HS3ST4: variants seen among roughly 807,000 people sequenced by gnomAD.
HS3ST4 encodes the protein heparan sulfate glucosamine 3-O-sulfotransferase 4.
In HS3ST4, 17 loss-of-function variants were observed where a neutral mutation model predicts 29.2. The observed-to-expected ratio is 0.58, with a 90% CI of 0.40 to 0.87. The LOEUF (loss-of-function observed/expected upper bound fraction) is 0.87, where lower values mean the gene tolerates loss of function less well. HS3ST4 is among the 40% of genes least tolerant of loss of function. The probability of loss-of-function intolerance (pLI) is 0.00; values close to 1 mark genes in which losing one functional copy is unlikely to be tolerated. For missense variants in HS3ST4, 627 were observed against 634.5 expected (o/e 0.99, Z 0.13); for synonymous variants, 314 against 285.7 (o/e 1.10, Z -1.00).
intron 1 of HS3ST4, among the ~76,000 whole-genome samples, chr16:25,863,396 T>A (rs993431272): frequency 3.9e-5 from 6 of 152,204 alleles, no homozygotes; most frequent in Non-Finnish European, 8.8e-5. Context: ...TGAAGTCTTA[T>A]GTGTTCTACT....
chr16:25,862,939 T>C (rs1024118445), intron 1 of HS3ST4, among the ~76,000 whole-genome samples: 1 of 152,222 alleles, frequency 6.6e-6, no homozygotes, highest in African/African-American at 2.4e-5. Context: ...TGAATATTTT[T>C]GATTTTAGGA....
intron 1 of HS3ST4, among the ~76,000 whole-genome samples, chr16:25,816,637 T>C (rs1310710247): frequency 1.3e-5 from 2 of 152,172 alleles, no homozygotes; most frequent in Non-Finnish European, 2.9e-5. Context: ...GTCTTAGTCT[T>C]TTTTTTCTGT....
intron 1 of HS3ST4, among the ~76,000 whole-genome samples, chr16:25,772,027 G>A (rs910909602): frequency 6.6e-6 from 1 of 152,138 alleles, no homozygotes; most frequent in African/African-American, 2.4e-5. Flanking sequence ...AGAATTTTAG[G>A]CTTCATGAGC....
chr16:25,898,526 C>G (rs1398182331), intron 1 of HS3ST4, among the ~76,000 whole-genome samples: 1 of 152,186 alleles, frequency 6.6e-6, no homozygotes, highest in Non-Finnish European at 1.5e-5. Flanking sequence ...ATATAGTATA[C>G]CACGTATGCC....
At chr16:26,094,549 C>T (rs988372233) in intron 1 of HS3ST4, among the ~76,000 whole-genome samples, 2 of 152,164 alleles carry the variant, frequency 1.3e-5, no homozygotes, top group African/African-American at 4.8e-5. Flanking sequence ...GAATCCTTTA[C>T]AGACAAGCAA....
intron 1 of HS3ST4, among the ~76,000 whole-genome samples, chr16:26,082,805 G>A (rs1450224577): frequency 6.6e-6 from 1 of 152,188 alleles, no homozygotes; most frequent in Non-Finnish European, 1.5e-5. Flanking sequence ...ACTTCATGGA[G>A]CAACCTTACC....
intron 1 of HS3ST4, among the ~76,000 whole-genome samples, chr16:25,904,550 G>A (rs766205579): frequency 6.6e-6 from 1 of 152,148 alleles, no homozygotes; most frequent in African/African-American, 2.4e-5. Context: ...ACTTTCACTG[G>A]CTTGTGGGGA....
Position 25,692,878 on chromosome 16 carries a change from G to C in HS3ST4, c.461G>C (p.Ser154Thr), listed in dbSNP as rs1485710605. Residue 154 changes from serine (S) to threonine (T), a missense_variant, in exon 1 of 2, where the codon AGC becomes ACC. By Grantham distance (58) the Ser-to-Thr change is moderately conservative. Around this residue, in one of 2 missense-constraint regions of HS3ST4, gnomAD observed 402 missense variants for 340.8 expected, o/e 1.18. Coordinates refer to ENST00000331351, the MANE Select transcript of HS3ST4 (RefSeq NM_006040.3). Reference sequence around the variant, plus strand: ...CCCAGCGAGATGATCACGGCTCAGAGCGCGCTGCCGGAGAGGGAAGCGCAG... The same window carrying C: ...CCCAGCGAGATGATCACGGCTCAGACCGCGCTGCCGGAGAGGGAAGCGCAG... ...LAPSEMITAQ[S>T]ALPEREAQES... 1.3e-6 allele frequency: 2 copies of C among 1,545,508 alleles called. No individual in the cohort carries two copies. The highest frequency in any genetic ancestry group is 4.9e-5 in the East Asian group (2 of 40,750).
At chr16:25,985,923 T>G (rs541058613) in intron 1 of HS3ST4, among the ~76,000 whole-genome samples, 1 of 152,288 alleles carries the variant, frequency 6.6e-6, no homozygotes, top group Admixed American at 6.5e-5. Flanking sequence ...GTCCTCATGG[T>G]ATCTTCCTGC....
At position 25,757,624 on chromosome 16, in the gene HS3ST4, G is replaced by A. The variant is rs754435104; in HGVS notation, c.734+64473G>A. ...ATAATAGAGAGAGTGTAAAAATAAC[G>A]AATGTGTCCTCCCGTCATGCCCTGG... is the stretch of plus-strand genomic sequence containing the variant. On this transcript the variant is annotated intron_variant, in intron 1 of 1. Transcript: ENST00000331351. Among the ~76,000 whole-genome samples, 8 of 150,424 alleles carry A rather than the reference G, an allele frequency of 5.3e-5. No individual in the cohort carries two copies. In the East Asian group the frequency reaches 5.8e-4, roughly 11 times the overall value.
chr16:25,873,000 G>T (rs902164241), intron 1 of HS3ST4, among the ~76,000 whole-genome samples: 3 of 152,002 alleles, frequency 2.0e-5, no homozygotes, highest in East Asian at 1.9e-4. Context: ...GCCCACTTCT[G>T]CCCTGATGTT....
At chr16:25,836,704 C>G (rs1389448990) in intron 1 of HS3ST4, among the ~76,000 whole-genome samples, 1 of 152,126 alleles carries the variant, frequency 6.6e-6, no homozygotes, top group Non-Finnish European at 1.5e-5. Flanking sequence ...CAATATCATG[C>G]AGGGAGGTAA....
At chr16:25,792,778 CTTT>C (rs1191219847) in intron 1 of HS3ST4, among the ~76,000 whole-genome samples, 1 of 151,572 alleles carries the variant, frequency 6.6e-6, no homozygotes, top group Non-Finnish European at 1.5e-5. Flanking sequence ...ACTTTTACTT[CTTT>C]GATTTTCCTT....
intron 1 of HS3ST4, among the ~76,000 whole-genome samples, chr16:25,748,984 G>A (rs1466241817): frequency 6.6e-6 from 1 of 152,112 alleles, no homozygotes; most frequent in African/African-American, 2.4e-5. Context: ...TATGAAGACT[G>A]GACAAACCAT....
intron 1 of HS3ST4, among the ~76,000 whole-genome samples, chr16:25,843,983 T>C (rs1386064338): frequency 6.6e-6 from 1 of 152,226 alleles, no homozygotes; most frequent in Non-Finnish European, 1.5e-5. Context: ...AATATTTTGC[T>C]CCAGTGTAAA....
At chr16:25,914,649 G>A (rs550662842) in intron 1 of HS3ST4, among the ~76,000 whole-genome samples, 5 of 151,472 alleles carry the variant, frequency 3.3e-5, no homozygotes, top group South Asian at 2.1e-4. Flanking sequence ...GTGTGTGCAC[G>A]TGTGTGGGTG....
chr16:26,013,665 C>T (rs1450631725), intron 1 of HS3ST4, among the ~76,000 whole-genome samples: 3 of 152,132 alleles, frequency 2.0e-5, no homozygotes, highest in African/African-American at 4.8e-5. Flanking sequence ...TCAGGGCCTT[C>T]GCATAAATGC....
chr16:25,715,252 G>A (rs1051098248), intron 1 of HS3ST4, among the ~76,000 whole-genome samples: 3 of 148,236 alleles, frequency 2.0e-5, no homozygotes, highest in Non-Finnish European at 4.4e-5. Context: ...AACCCGGGAA[G>A]CGGAGCTTGC....
chr16:26,078,477 G>T (rs1161936881), intron 1 of HS3ST4, among the ~76,000 whole-genome samples: 2 of 152,168 alleles, frequency 1.3e-5, no homozygotes, highest in Non-Finnish European at 2.9e-5. Context: ...TAAAGAAATA[G>T]ACCCATGCAC....
Sources: gnomAD v4.1 joint callset for allele counts (sites outside exome capture counted in the v4.1 genomes callset) on GRCh38, gnomAD v4.1.1 for gene constraint, gnomAD v4.1.1 regional missense constraint, MANE v1.5 for transcripts, NCBI Gene and HGNC (gene_info 2026-07-23, HGNC 2026-07-21) for gene names.